ESS2: variants seen among roughly 807,000 people sequenced by gnomAD.
The protein encoded by ESS2 is ess-2 spliceosome associated protein.
Under a neutral mutation model 52.0 loss-of-function variants are expected in ESS2, and 31 were observed. The observed-to-expected ratio is 0.60, with a 90% CI of 0.45 to 0.81. ESS2 has a LOEUF of 0.81. Ranked by LOEUF, ESS2 falls within the 30% of genes least tolerant of loss-of-function variation. ESS2 has a pLI of 0.00. For synonymous variants in ESS2, 285 were observed against 259.2 expected (o/e 1.10, Z -0.95); for missense variants, 602 against 637.2 (o/e 0.94, Z 0.59).
chr22:19,140,465 G>A (rs569225011), intron 3 of ESS2, among the ~76,000 whole-genome samples: 4 of 152,192 alleles, frequency 2.6e-5, no homozygotes, highest in Admixed American at 1.3e-4. Context: ...TCTCTTCCTG[G>A]TACCTGTACT....
chr22:19,141,615 T>G (rs547645425), intron 3 of ESS2, among the ~76,000 whole-genome samples: 8 of 152,320 alleles, frequency 5.3e-5, no homozygotes, highest in South Asian at 2.1e-4. Flanking sequence ...AGCATACAGA[T>G]GAAAGCAAAA....
At chr22:19,135,771 G>A (rs970131675) in intron 8 of ESS2, among the ~76,000 whole-genome samples, 2 of 151,996 alleles carry the variant, frequency 1.3e-5, no homozygotes, top group Non-Finnish European at 2.9e-5. Context: ...CTCACACCTG[G>A]AACCTCAGCA....
chr22:19,139,052 C>A, intron 6 of ESS2, 107 bp downstream of exon 6: 1 of 1,422,104 alleles, frequency 7.0e-7, no homozygotes, highest in East Asian at 2.5e-5. Flanking sequence ...CCAGATGGTT[C>A]CACTCACTGA....
chr22:19,137,094 G>A (rs1383812956), intron 8 of ESS2, among the ~76,000 whole-genome samples: 1 of 152,022 alleles, frequency 6.6e-6, no homozygotes, highest in African/African-American at 2.4e-5. Context: ...GATCCAGAGG[G>A]CCCAAGCCAC....
chr22:19,142,337 G>A (rs1025149362), intron 3 of ESS2, among the ~76,000 whole-genome samples: 1 of 152,244 alleles, frequency 6.6e-6, no homozygotes, highest in Admixed American at 6.5e-5. Flanking sequence ...ATTTCACAGA[G>A]GCGAGCCATG....
In ESS2 at chr22:19,131,769, G is replaced by A. The variant is rs369209844; in HGVS notation, c.*2427C>T. 1.4e-5 allele frequency: 22 copies of A among 1,614,060 alleles called. No individual in the cohort carries two copies. Among genetic ancestry groups the A allele is most frequent in the African/African-American group, 2.7e-5 (2 of 74,924 alleles). On this transcript the variant is annotated 3_prime_UTR_variant, in exon 10 of 10. Transcript: ENST00000252137. The surrounding 1 kb of genome is among the most constrained non-coding windows in gnomAD (Gnocchi z 5.7). ...GATGTTCCGACAGCTCTCCTCCGCC[G>A]TCAAGTACTGCCACGACCTGGACAT...
rs531330105 is a variant in ESS2, at chr22:19,131,206, G to A, written c.*2990C>T. The A allele has an allele frequency of 2.4e-5, 14 of 580,648 alleles. No individual in the cohort carries two copies. The highest frequency in any genetic ancestry group is 4.4e-5 in the South Asian group (2 of 45,644). 36.0% of individuals were successfully genotyped at this position (580,648 alleles called of 1,614,324 possible). On this transcript the variant is annotated 3_prime_UTR_variant, in exon 10 of 10. Coordinates refer to ENST00000252137, the MANE Select transcript of ESS2 (RefSeq NM_022719.3). The surrounding 1 kb of genome is among the most constrained non-coding windows in gnomAD (Gnocchi z 5.7). ...CCTGTTCTCCCTCAGCCCAGTCCCC[G>A]CCCCCACTCCTTGGCTTTATGAGTT...
intron 6 of ESS2, 177 bp from the exon 7 acceptor site, chr22:19,138,494 C>G (rs1355336480): frequency 1.4e-6 from 1 of 729,284 alleles, no homozygotes; most frequent in South Asian, 1.5e-5. Flanking sequence ...CCCAACCCCC[C>G]AAAAGACCTT....
At chr22:19,140,903 C>G (rs2083675425) in intron 3 of ESS2, among the ~76,000 whole-genome samples, 1 of 152,204 alleles carries the variant, frequency 6.6e-6, no homozygotes, top group Admixed American at 6.5e-5. Flanking sequence ...AGTTTCCTCA[C>G]CTGTAAACAT....
intron 3 of ESS2, among the ~76,000 whole-genome samples, chr22:19,140,656 G>A (rs7285177): frequency 0.21 from 31,394 of 152,108 alleles, 3,436 homozygotes; most frequent in South Asian, 0.29. Flanking sequence ...GTGGTGCCCT[G>A]GTGCTGCGTG....
chr22:19,135,925 G>A (rs2083573131), intron 8 of ESS2, among the ~76,000 whole-genome samples: 2 of 151,680 alleles, frequency 1.3e-5, no homozygotes, highest in South Asian at 2.1e-4. Flanking sequence ...AGCTACACAG[G>A]AGGCTGAGGC....
intron 1 of ESS2, chr22:19,143,979 C>T: frequency 2.1e-6 from 2 of 965,550 alleles, no homozygotes; most frequent in Non-Finnish European, 2.5e-6. Context: ...TATCTGGGCA[C>T]CCAACCGTCC....
chr22:19,130,793 G>A lies in ESS2; in HGVS notation c.*3403C>T, dbSNP rs1258012506. 1 of 212,246 alleles carries A rather than the reference G, an allele frequency of 4.7e-6. No homozygotes were observed. Among genetic ancestry groups the A allele is most frequent in the African/African-American group, 2.4e-5 (1 of 42,456 alleles). 13.1% of individuals were successfully genotyped at this position (212,246 alleles called of 1,614,324 possible). A position where few individuals can be genotyped will look rare whatever the true frequency, so the allele number is the denominator to read the frequency against. Reference sequence around the variant, plus strand: ...TGATGTCTGGGCACTGATTTCCCTAGATTTAACTATGTGCTCAATGGTAAG... The same window carrying A: ...TGATGTCTGGGCACTGATTTCCCTAAATTTAACTATGTGCTCAATGGTAAG... On this transcript the variant is annotated 3_prime_UTR_variant, in exon 10 of 10. Coordinates refer to ENST00000252137, the MANE Select transcript of ESS2 (RefSeq NM_022719.3).
intron 9 of ESS2, among the ~76,000 whole-genome samples, chr22:19,134,758 G>C (rs1473645986): frequency 2.6e-5 from 4 of 152,170 alleles, no homozygotes; most frequent in African/African-American, 9.7e-5. Flanking sequence ...TCTCCAAGGG[G>C]AACGATGACT....
Position 19,142,648 on chromosome 22 carries a change from G to T in ESS2, c.305-15C>A. On this transcript the variant is annotated splice_polypyrimidine_tract_variant and intron_variant, in intron 2 of 9. Transcript: ENST00000252137. Reference sequence around the variant, plus strand: ...TGGAGTCACATCTAGGGGAAGAGAGGGGGATAAGAATTAGAGTGAGCCTGA... The same window carrying T: ...TGGAGTCACATCTAGGGGAAGAGAGTGGGATAAGAATTAGAGTGAGCCTGA... 1 of 1,611,394 alleles carries T rather than the reference G, an allele frequency of 6.2e-7. No individual in the cohort carries two copies.
chr22:19,142,170 T>C (rs60047482), intron 3 of ESS2, among the ~76,000 whole-genome samples: 2,488 of 152,212 alleles, frequency 0.016, 90 homozygotes, highest in East Asian at 0.058. Flanking sequence ...CAGTGAGCCA[T>C]GCAGTTATCT....
chr22:19,139,564 CAGCTCT>C, intron 5 of ESS2, 42 bp downstream of exon 5: 1 of 1,551,402 alleles, frequency 6.4e-7, no homozygotes, highest in South Asian at 1.1e-5. Flanking sequence ...CAGACACACA[CAGCTCT>C]ACCCAACACC....
chr22:19,140,718 A>T (rs1258307640), intron 3 of ESS2, among the ~76,000 whole-genome samples: 1 of 152,178 alleles, frequency 6.6e-6, no homozygotes, highest in Non-Finnish European at 1.5e-5. Context: ...CTTCAAGTCT[A>T]GTGACAGTCC....
Position 19,132,569 on chromosome 22 carries a change from T to G in ESS2, c.*1627A>C. On this transcript the variant is annotated 3_prime_UTR_variant, in exon 10 of 10. Transcript: ENST00000252137. The surrounding 1 kb of genome is among the most constrained non-coding windows in gnomAD (Gnocchi z 4.2). ...GTAAACTAAGTAGGCAGGTAGGATC[T>G]GAAGAAGGCACAGGTGCAAGTAAAA... 1.6e-6 allele frequency: 2 copies of G among 1,281,034 alleles called. No individual in the cohort carries two copies. Among genetic ancestry groups the G allele is most frequent in the South Asian group, 2.9e-5 (2 of 70,152 alleles). The allele number at this position is 1,281,034 out of a possible 1,614,324, so 79.4% of individuals were successfully genotyped here.
Sources: gnomAD v4.1 joint callset for allele counts (sites outside exome capture counted in the v4.1 genomes callset) on GRCh38, gnomAD v4.1.1 for gene constraint, Gnocchi (gnomAD v3.1) non-coding constraint, MANE v1.5 for transcripts, NCBI Gene and HGNC (gene_info 2026-07-23, HGNC 2026-07-21) for gene names.